Variants in AEBP2 observed in about 807,000 individuals in gnomAD.
The protein encoded by AEBP2 is AE binding protein 2.
A neutral mutation model predicts 50.8 loss-of-function variants in AEBP2; 10 were observed. That is an observed-to-expected ratio of 0.20 (90% CI 0.12 to 0.33). The LOEUF (loss-of-function observed/expected upper bound fraction) is 0.33, where lower values mean the gene tolerates loss of function less well. AEBP2 is among the 10% of genes least tolerant of loss of function. The probability of loss-of-function intolerance (pLI) is 1.00; values close to 1 mark genes in which losing one functional copy is unlikely to be tolerated. For synonymous variants in AEBP2, 296 were observed against 261.3 expected (o/e 1.13, Z -1.28); for missense variants, 570 against 688.0 (o/e 0.83, Z 1.92).
At chr12:19,488,177 G>GC (rs2120406608) in intron 3 of AEBP2, among the ~76,000 whole-genome samples, 1 of 150,312 alleles carries the variant, frequency 6.7e-6, no homozygotes, top group African/African-American at 2.4e-5. Context: ...AGGCTAGAGT[G>GC]CAGTGGTATA....
chr12:19,441,431 C>G (rs1274025337), intron 1 of AEBP2, among the ~76,000 whole-genome samples: 1 of 152,140 alleles, frequency 6.6e-6, no homozygotes, highest in African/African-American at 2.4e-5. Context: ...TTTTGACCAT[C>G]TATGTTTTGA....
At chr12:19,504,196 T>C (rs1347791062) in intron 5 of AEBP2, among the ~76,000 whole-genome samples, 1 of 151,686 alleles carries the variant, frequency 6.6e-6, no homozygotes, top group African/African-American at 2.4e-5. Flanking sequence ...AACTAGGAAC[T>C]AAAAAGGTTG....
At chr12:19,514,838 C>A in intron 7 of AEBP2, 54 bp downstream of exon 7, 2 of 1,388,158 alleles carry the variant, frequency 1.4e-6, no homozygotes, top group South Asian at 2.6e-5. Context: ...TTTTCTCTCC[C>A]CAAATTTTGG....
chr12:19,459,561 T>C (rs142350971), intron 1 of AEBP2, among the ~76,000 whole-genome samples: 4,824 of 152,238 alleles, frequency 0.032, 118 homozygotes, highest in Non-Finnish European at 0.051. Flanking sequence ...AGGGTTTAAA[T>C]AAAATATGTA....
Position 19,500,106 on chromosome 12 carries a change from A to T in AEBP2, c.1184A>T (p.His395Leu), listed in dbSNP as rs1419087330. 1 of 1,605,846 alleles carries T rather than the reference A, an allele frequency of 6.2e-7. No homozygotes were observed. Among genetic ancestry groups the T allele is most frequent in the Non-Finnish European group, 8.5e-7 (1 of 1,176,336 alleles). Residue 395 changes from histidine to leucine, a missense_variant, in exon 5 of 8, where the codon CAT becomes CTT. Coordinates refer to ENST00000266508, the MANE Select transcript of AEBP2 (RefSeq NM_153207.5). ...TTATGTTGACTTTTAGCACGGCCACATGATTTCTTCGATGCACAAACACTG... is the reference window on the plus strand; with the variant it reads ...TTATGTTGACTTTTAGCACGGCCACTTGATTTCTTCGATGCACAAACACTG... ...NKRRRSLPRP[H>L]DFFDAQTLDA...
intron 2 of AEBP2, among the ~76,000 whole-genome samples, chr12:19,468,116 C>T (rs1948510610): frequency 1.3e-5 from 1 of 77,628 alleles, no homozygotes; most frequent in African/African-American, 4.0e-5. Flanking sequence ...TCCAACCCCT[C>T]TGCCTGACTT....
At chr12:19,433,213 T>C (rs191225087) in intron 1 of AEBP2, among the ~76,000 whole-genome samples, 1,805 of 148,684 alleles carry the variant, frequency 0.012, 41 homozygotes, top group African/African-American at 0.042. Flanking sequence ...TGGTGAAACT[T>C]TGTCTCTACT....
chr12:19,473,143 T>C (rs1948595010), intron 2 of AEBP2, 105 bp from the exon 3 acceptor site: 1 of 421,650 alleles, frequency 2.4e-6, no homozygotes, highest in South Asian at 8.7e-5. Flanking sequence ...ATTCAGTAGC[T>C]CTTGTCAGTT....
chr12:19,516,752 T>TGAG (rs1401097377), intron 7 of AEBP2, among the ~76,000 whole-genome samples: 1 of 152,032 alleles, frequency 6.6e-6, no homozygotes, highest in Non-Finnish European at 1.5e-5. Flanking sequence ...CTTGGCCCGG[T>TGAG]GAGGTGGTTC....
chr12:19,512,537 A>G (rs1212216522), intron 6 of AEBP2, 72 bp downstream of exon 6: 3 of 963,066 alleles, frequency 3.1e-6, no homozygotes, highest in East Asian at 5.4e-5. Flanking sequence ...ACACACAAAA[A>G]TTATTTATTA....
chr12:19,476,724 A>C (rs1039767813), intron 3 of AEBP2, among the ~76,000 whole-genome samples: 1 of 152,214 alleles, frequency 6.6e-6, no homozygotes, highest in Non-Finnish European at 1.5e-5. Context: ...ATAGCCTTGC[A>C]GTATAAAAAG....
In AEBP2 at chr12:19,504,308, C is replaced by T. The variant is rs977125471; in HGVS notation, c.1299+4087C>T. Among the ~76,000 whole-genome samples the T allele has an allele frequency of 2.0e-5, 3 of 151,706 alleles. No individual in the cohort carries two copies. In the East Asian group the frequency reaches 5.8e-4, roughly 29 times the overall value. On this transcript the variant is annotated intron_variant, in intron 5 of 7. Transcript: ENST00000266508. ...GGAGTGCAGTGGCGCGATCTCGGCTCACTGCAAGCTCCGCCTCCCAGGTTC... is the reference window on the plus strand; with the variant it reads ...GGAGTGCAGTGGCGCGATCTCGGCTTACTGCAAGCTCCGCCTCCCAGGTTC...
At chr12:19,470,022 T>C (rs1948546235) in intron 2 of AEBP2, among the ~76,000 whole-genome samples, 1 of 152,208 alleles carries the variant, frequency 6.6e-6, no homozygotes, top group Admixed American at 6.5e-5. Context: ...TCAGATATTA[T>C]ACGTCTAAAA....
At chr12:19,407,055 T>G (rs555599307) in intron 1 of AEBP2, among the ~76,000 whole-genome samples, 1 of 152,200 alleles carries the variant, frequency 6.6e-6, no homozygotes, top group Non-Finnish European at 1.5e-5. Flanking sequence ...TAATCTCGGC[T>G]ACTCAGGAGG....
At chr12:19,457,362 CTG>C in intron 1 of AEBP2, 1 of 1,454,306 alleles carries the variant, frequency 6.9e-7, no homozygotes, top group Non-Finnish European at 9.5e-7. Flanking sequence ...GGTTAAGTCT[CTG>C]TGTCCTAGGG....
chr12:19,408,032 C>G (rs1397127896), intron 1 of AEBP2, among the ~76,000 whole-genome samples: 1 of 142,072 alleles, frequency 7.0e-6, no homozygotes, highest in Admixed American at 7.2e-5. Flanking sequence ...GCCTGGGCAA[C>G]AAGAGTGAAA....
chr12:19,457,302 A>G (rs1565712133), intron 1 of AEBP2: 2 of 1,549,756 alleles, frequency 1.3e-6, no homozygotes, highest in East Asian at 4.5e-5. Flanking sequence ...TCAGGACAGC[A>G]CAGTCAGCCT....
chr12:19,519,036 A>G lies in AEBP2; in HGVS notation c.*919A>G, dbSNP rs906943818. The G allele has an allele frequency of 5.9e-6, 1 of 169,110 alleles. No individual in the cohort carries two copies. The highest frequency in any genetic ancestry group is 2.4e-5 in the African/African-American group (1 of 42,130). 10.5% of individuals were successfully genotyped at this position (169,110 alleles called of 1,614,324 possible). A position where few individuals can be genotyped will look rare whatever the true frequency, so the allele number is the denominator to read the frequency against. On this transcript the variant is annotated 3_prime_UTR_variant, in exon 8 of 8. Coordinates refer to ENST00000266508, the MANE Select transcript of AEBP2 (RefSeq NM_153207.5). ...TTTTTTTACAAGTATCTTCAAACTGAATCTTTTATGCACCAAAGTTGGTCT... is the reference window on the plus strand; with the variant it reads ...TTTTTTTACAAGTATCTTCAAACTGGATCTTTTATGCACCAAAGTTGGTCT...
At chr12:19,460,931 G>A (rs1391775707) in intron 1 of AEBP2, among the ~76,000 whole-genome samples, 1 of 152,166 alleles carries the variant, frequency 6.6e-6, no homozygotes, top group Non-Finnish European at 1.5e-5. Context: ...TGCGATTACA[G>A]GCATGCGCCA....
Sources: allele counts gnomAD v4.1 joint callset (sites outside exome capture counted in the v4.1 genomes callset), GRCh38; gene constraint gnomAD v4.1.1; transcripts MANE v1.5; gene names NCBI Gene and HGNC (gene_info 2026-07-23, HGNC 2026-07-21).